Variants in ZBTB16 observed in about 807,000 individuals in gnomAD.
The protein encoded by ZBTB16 is zinc finger and BTB domain-containing protein 16.
ZBTB16 carries 8 observed loss-of-function variants against 56.8 expected under a neutral mutation model. That is an observed-to-expected ratio of 0.14 (90% CI 0.08 to 0.25). The LOEUF is 0.25. Among genes scored for constraint, ZBTB16 ranks in the 10% least tolerant of loss-of-function variants. ZBTB16 has a pLI of 1.00. For synonymous variants in ZBTB16, 363 were observed against 368.5 expected (o/e 0.98, Z 0.17); for missense variants, 625 against 903.0 (o/e 0.69, Z 3.95).
At chr11:114,212,069 G>A (rs568691759) in intron 4 of ZBTB16, among the ~76,000 whole-genome samples, 3 of 151,832 alleles carry the variant, frequency 2.0e-5, no homozygotes, top group African/African-American at 4.8e-5. Context: ...CTTGCCGCCA[G>A]CCCACCTCCT....
At chr11:114,192,189 A>G (rs953601829) in intron 4 of ZBTB16, among the ~76,000 whole-genome samples, 6 of 152,090 alleles carry the variant, frequency 3.9e-5, no homozygotes, top group African/African-American at 1.4e-4. Context: ...GTTCCTTTGC[A>G]TGGCTTCTCT....
At chr11:114,140,867 C>T (rs1164479440) in intron 2 of ZBTB16, among the ~76,000 whole-genome samples, 1 of 152,146 alleles carries the variant, frequency 6.6e-6, no homozygotes, top group Non-Finnish European at 1.5e-5. Flanking sequence ...TGGAAACATT[C>T]TCCTTCTCAA....
intron 2 of ZBTB16, among the ~76,000 whole-genome samples, chr11:114,096,748 C>A (rs535194700): frequency 6.6e-6 from 1 of 152,178 alleles, no homozygotes; most frequent in Non-Finnish European, 1.5e-5. Flanking sequence ...GGCACTTTTG[C>A]GACTGTGTAC....
intron 2 of ZBTB16, among the ~76,000 whole-genome samples, chr11:114,123,915 C>T (rs1359445477): frequency 6.6e-6 from 1 of 152,116 alleles, no homozygotes. Flanking sequence ...CCTCCAGTGC[C>T]AGTGGGATAC....
chr11:114,225,334 C>T (rs1470233003), intron 4 of ZBTB16, among the ~76,000 whole-genome samples: 3 of 152,036 alleles, frequency 2.0e-5, no homozygotes, highest in Non-Finnish European at 2.9e-5. Context: ...ATAAGCACCT[C>T]CTAGAGGGGG....
At chr11:114,139,972 A>T (rs1287154872) in intron 2 of ZBTB16, among the ~76,000 whole-genome samples, 2 of 152,072 alleles carry the variant, frequency 1.3e-5, no homozygotes, top group African/African-American at 2.4e-5. Context: ...GAACTCTGTA[A>T]TCCTCATGCC....
At chr11:114,062,156 T>C (rs2137648076) in intron 1 of ZBTB16, among the ~76,000 whole-genome samples, 1 of 150,460 alleles carries the variant, frequency 6.6e-6, no homozygotes, top group East Asian at 2.0e-4. Context: ...CAGGCTGGAG[T>C]GCAGTGGCAC....
intron 2 of ZBTB16, chr11:114,121,951 A>G (rs1201045674): frequency 7.5e-6 from 3 of 401,544 alleles, no homozygotes; most frequent in Non-Finnish European, 1.5e-5. Context: ...GTCCTCTAAG[A>G]CACTTCCTGA....
chr11:114,244,546 C>T (rs1403073475), intron 5 of ZBTB16, among the ~76,000 whole-genome samples: 1 of 152,172 alleles, frequency 6.6e-6, no homozygotes, highest in Non-Finnish European at 1.5e-5. Flanking sequence ...ACACAATCAG[C>T]TCTCAGGGTG....
intron 2 of ZBTB16, among the ~76,000 whole-genome samples, chr11:114,104,695 C>T (rs1940729358): frequency 6.6e-6 from 1 of 152,204 alleles, no homozygotes; most frequent in Admixed American, 6.5e-5. Flanking sequence ...AACAACTCAC[C>T]ACAGGACTCA....
intron 2 of ZBTB16, among the ~76,000 whole-genome samples, chr11:114,099,222 T>TA (rs1373600582): frequency 6.6e-6 from 1 of 152,126 alleles, no homozygotes; most frequent in Non-Finnish European, 1.5e-5. Flanking sequence ...CTACAACAGA[T>TA]ATTGATTTTA....
intron 4 of ZBTB16, among the ~76,000 whole-genome samples, chr11:114,193,311 G>C (rs1943540585): frequency 6.6e-6 from 1 of 152,310 alleles, no homozygotes; most frequent in Admixed American, 6.5e-5. Flanking sequence ...AGGGGTGAGA[G>C]ACCAAGGTGG....
intron 4 of ZBTB16, among the ~76,000 whole-genome samples, chr11:114,195,630 C>A (rs1275401682): frequency 1.3e-5 from 2 of 152,126 alleles, no homozygotes; most frequent in Non-Finnish European, 1.5e-5. Context: ...GTATTTGGTG[C>A]ACAGTGACCC....
intron 5 of ZBTB16, among the ~76,000 whole-genome samples, chr11:114,243,637 A>G (rs554837181): frequency 1.3e-5 from 2 of 152,296 alleles, no homozygotes; most frequent in South Asian, 4.1e-4. Flanking sequence ...GTTGACAAGG[A>G]CTTTCTCTAC....
chr11:114,112,391 G>A (rs780358979), intron 2 of ZBTB16, among the ~76,000 whole-genome samples: 3 of 152,154 alleles, frequency 2.0e-5, no homozygotes, highest in Non-Finnish European at 4.4e-5. Context: ...TTTTGGAAAA[G>A]TATTTGGATA....
chr11:114,190,459 A>G (rs994927736), intron 4 of ZBTB16, among the ~76,000 whole-genome samples: 2 of 152,230 alleles, frequency 1.3e-5, no homozygotes, highest in African/African-American at 4.8e-5. Context: ...CTATTTTATA[A>G]TAAAATTGTT....
chr11:114,083,285 C>A (rs1248432260), intron 2 of ZBTB16, among the ~76,000 whole-genome samples: 2 of 152,138 alleles, frequency 1.3e-5, no homozygotes, highest in Non-Finnish European at 2.9e-5. Context: ...ACCTTTAACC[C>A]AAAACCAAAT....
At chr11:114,103,426 C>T (rs892365257) in intron 2 of ZBTB16, among the ~76,000 whole-genome samples, 5 of 152,152 alleles carry the variant, frequency 3.3e-5, no homozygotes, top group African/African-American at 1.2e-4. Context: ...TTGTGAGTAC[C>T]GTCCGCTTGG....
At chr11:114,141,749 C>T (rs1941951392) in intron 2 of ZBTB16, among the ~76,000 whole-genome samples, 1 of 152,188 alleles carries the variant, frequency 6.6e-6, no homozygotes, top group African/African-American at 2.4e-5. Flanking sequence ...CAGGCTCTGC[C>T]ACTTACAAGC....
Sources: allele counts gnomAD v4.1 joint callset (sites outside exome capture counted in the v4.1 genomes callset), GRCh38; gene constraint gnomAD v4.1.1; transcripts MANE v1.5; gene names NCBI Gene and HGNC (gene_info 2026-07-23, HGNC 2026-07-21).